DAAM1: variants seen among roughly 807,000 people sequenced by gnomAD.
DAAM1 encodes the protein dishevelled associated activator of morphogenesis 1, also known as disheveled-associated activator of morphogenesis 1.
A neutral mutation model predicts 130.0 loss-of-function variants in DAAM1; 52 were observed. That is an observed-to-expected ratio of 0.40 (90% CI 0.32 to 0.50). DAAM1 has a LOEUF of 0.50. DAAM1 is among the 20% of genes least tolerant of loss of function. DAAM1 has a pLI of 0.61. For missense variants in DAAM1, 1,134 were observed against 1,303.8 expected, an observed-to-expected ratio of 0.87 and a Z score of 2.01; for synonymous variants, 452 against 444.5, an observed-to-expected ratio of 1.02 and a Z score of -0.21.
chr14:59,355,150 T>G lies in DAAM1; in HGVS notation c.2357-15T>G. 6.3e-7 allele frequency: 1 copy of G among 1,599,750 alleles called. No homozygotes were observed. Among genetic ancestry groups the G allele is most frequent in the Non-Finnish European group, 8.5e-7 (1 of 1,172,470 alleles). ...AACACTTGGTAATCATGTTTTTATG[T>G]GTTTTGTTTTGAAGCAATTCGTTCT... On this transcript the variant is annotated splice_polypyrimidine_tract_variant and intron_variant, in intron 19 of 24. Coordinates refer to ENST00000360909, the MANE Select transcript of DAAM1 (RefSeq NM_001270520.2).
chr14:59,366,520 G>A (rs980431102), intron 23 of DAAM1, among the ~76,000 whole-genome samples: 5 of 152,052 alleles, frequency 3.3e-5, no homozygotes, highest in African/African-American at 1.2e-4. Flanking sequence ...CCCTCCCCCT[G>A]CTGAGTTTGC....
intron 1 of DAAM1, among the ~76,000 whole-genome samples, chr14:59,198,266 T>C (rs1252916): frequency 0.61 from 90,500 of 149,142 alleles, 27,677 homozygotes; most frequent in Admixed American, 0.69. Flanking sequence ...AGTACAGTGG[T>C]GCAATCTTGG....
intron 1 of DAAM1, among the ~76,000 whole-genome samples, chr14:59,257,949 TC>T (rs1367361155): frequency 2.0e-5 from 3 of 152,188 alleles, no homozygotes; most frequent in Non-Finnish European, 4.4e-5. Flanking sequence ...GGAGAGGCCA[TC>T]CCTGATCATA....
chr14:59,273,118 G>T (rs1566678614), intron 2 of DAAM1, among the ~76,000 whole-genome samples: 1 of 152,204 alleles, frequency 6.6e-6, no homozygotes, highest in Non-Finnish European at 1.5e-5. Context: ...GAGACAGTAA[G>T]ATGGTCAAAA....
At chr14:59,315,081 A>G (rs1470070405) in intron 3 of DAAM1, among the ~76,000 whole-genome samples, 199 bp from the exon 4 acceptor site, 1 of 152,192 alleles carries the variant, frequency 6.6e-6, no homozygotes, top group Non-Finnish European at 1.5e-5. Context: ...TCTCTGTGGA[A>G]ATTGAGCTGG....
chr14:59,331,570 C>A (rs1885444077), intron 14 of DAAM1, 62 bp downstream of exon 14: 1 of 1,519,208 alleles, frequency 6.6e-7, no homozygotes, highest in Non-Finnish European at 8.8e-7. Flanking sequence ...TGTGTTATCA[C>A]TGAAAGGGAA....
At chr14:59,281,486 T>A (rs1302118427) in intron 2 of DAAM1, among the ~76,000 whole-genome samples, 1 of 152,020 alleles carries the variant, frequency 6.6e-6, no homozygotes, top group Non-Finnish European at 1.5e-5. Flanking sequence ...CAGTGAGCAA[T>A]TAACCTGCTT....
intron 15 of DAAM1, among the ~76,000 whole-genome samples, chr14:59,334,764 T>A (rs935326667): frequency 2.0e-5 from 3 of 152,202 alleles, no homozygotes; most frequent in Non-Finnish European, 4.4e-5. Flanking sequence ...ATCATTAAAA[T>A]GAGAACTTAT....
Position 59,263,577 on chromosome 14 carries a change from A to G in DAAM1, c.100A>G (p.Ser34Gly). 5 of 1,614,232 alleles carry G rather than the reference A, an allele frequency of 3.1e-6. No homozygotes were observed. The highest frequency in any genetic ancestry group is 4.2e-6 in the Non-Finnish European group (5 of 1,180,030). Residue 34 changes from serine (S) to glycine (G), a missense_variant, in exon 2 of 25, where the codon AGC becomes GGC. Coordinates refer to ENST00000360909, the MANE Select transcript of DAAM1 (RefSeq NM_001270520.2). ...AATCACGTATCGGCTGCGAAATGATAGCAACTTTGCGCTTCAGACCATGGA... is the reference window on the plus strand; with the variant it reads ...AATCACGTATCGGCTGCGAAATGATGGCAACTTTGCGCTTCAGACCATGGA... ...PEITYRLRND[S>G]NFALQTMEPA...
intron 17 of DAAM1, among the ~76,000 whole-genome samples, chr14:59,351,143 T>G (rs1403369563): frequency 6.8e-6 from 1 of 147,824 alleles, no homozygotes; most frequent in Non-Finnish European, 1.5e-5. Context: ...AGGCGTCATC[T>G]TTGACTCTTC....
intron 2 of DAAM1, among the ~76,000 whole-genome samples, chr14:59,281,164 G>C (rs560918222): frequency 2.0e-5 from 3 of 152,114 alleles, no homozygotes; most frequent in African/African-American, 7.2e-5. Context: ...TTCCACCCTC[G>C]GGGGGTTGCC....
intron 17 of DAAM1, among the ~76,000 whole-genome samples, chr14:59,349,561 T>C (rs751937673): frequency 5.3e-5 from 8 of 152,222 alleles, no homozygotes; most frequent in Non-Finnish European, 8.8e-5. Context: ...TACAACACTC[T>C]TCCCAGACAA....
Position 59,368,866 on chromosome 14 carries a change from A to G in DAAM1, c.*7A>G, listed in dbSNP as rs771427432. The G allele has an allele frequency of 2.5e-6, 4 of 1,612,304 alleles. No homozygotes were observed. The African/African-American group carries it at 4.0e-5, about 16-fold the overall frequency. ...CACAAAACTTAATTTCTAATTTTCCATGAATACTTTTTTTTAGAAAGCTCA... is the reference window on the plus strand; with the variant it reads ...CACAAAACTTAATTTCTAATTTTCCGTGAATACTTTTTTTTAGAAAGCTCA... On this transcript the variant is annotated 3_prime_UTR_variant, in exon 25 of 25. Coordinates refer to ENST00000360909, the MANE Select transcript of DAAM1 (RefSeq NM_001270520.2).
chr14:59,226,883 A>T (rs956589594), intron 1 of DAAM1, among the ~76,000 whole-genome samples: 1 of 152,148 alleles, frequency 6.6e-6, no homozygotes, highest in South Asian at 2.1e-4. Context: ...AGTCCTGTGG[A>T]TGGCTACATA....
At chr14:59,284,747 G>A (rs1042899103) in intron 2 of DAAM1, among the ~76,000 whole-genome samples, 6 of 152,026 alleles carry the variant, frequency 3.9e-5, no homozygotes, top group African/African-American at 1.4e-4. Flanking sequence ...TTCCTTTGAA[G>A]TAACACAGGC....
At position 59,326,929 on chromosome 14, in the gene DAAM1, A is replaced by G; in HGVS notation, c.1314-4A>G. On this transcript the variant is annotated splice_region_variant and splice_polypyrimidine_tract_variant and intron_variant, in intron 11 of 24. Transcript: ENST00000360909. ...TAATAAATGCTCCTTGAACTCTTAC[A>G]CAGGTTGGTTAATGAAAATGAAGTT... 1.2e-6 allele frequency: 2 copies of G among 1,613,946 alleles called. No individual in the cohort carries two copies. Among genetic ancestry groups the G allele is most frequent in the Non-Finnish European group, 1.7e-6 (2 of 1,179,940 alleles).
chr14:59,314,945 A>G (rs936332254), intron 3 of DAAM1, among the ~76,000 whole-genome samples: 1 of 152,188 alleles, frequency 6.6e-6, no homozygotes, highest in African/African-American at 2.4e-5. Flanking sequence ...ATCCAGGTGT[A>G]TAGTCTAACA....
intron 1 of DAAM1, among the ~76,000 whole-genome samples, chr14:59,197,516 A>G (rs959397933): frequency 1.3e-4 from 20 of 152,228 alleles, no homozygotes; most frequent in African/African-American, 4.8e-4. Context: ...TTAAAAATCA[A>G]GAATAGAGAT....
At chr14:59,236,727 C>T (rs982965086) in intron 1 of DAAM1, among the ~76,000 whole-genome samples, 2 of 152,100 alleles carry the variant, frequency 1.3e-5, no homozygotes, top group African/African-American at 2.4e-5. Context: ...GGGTGGGTAA[C>T]GCTCATCTGT....
Sources: allele counts gnomAD v4.1 joint callset (sites outside exome capture counted in the v4.1 genomes callset), GRCh38; gene constraint gnomAD v4.1.1; transcripts MANE v1.5; gene names NCBI Gene and HGNC (gene_info 2026-07-23, HGNC 2026-07-21).